The following ACOT7 variants were observed in gnomAD, a reference collection of about 807,000 sequenced individuals.
ACOT7 encodes cytosolic acyl coenzyme A thioester hydrolase.
ACOT7 carries 12 observed loss-of-function variants against 40.2 expected under a neutral mutation model. That is an observed-to-expected ratio of 0.30 (90% CI 0.19 to 0.48). ACOT7 has a LOEUF of 0.48. Among genes scored for constraint, ACOT7 ranks in the 20% least tolerant of loss-of-function variants. The pLI is 0.99. For missense variants in ACOT7, 395 were observed against 530.8 expected (o/e 0.74, Z 2.51); for synonymous variants, 228 against 219.5 (o/e 1.04, Z -0.34).
At chr1:6,319,881 G>C (rs966480210) in intron 5 of ACOT7, among the ~76,000 whole-genome samples, 1 of 152,240 alleles carries the variant, frequency 6.6e-6, no homozygotes, top group African/African-American at 2.4e-5. Flanking sequence ...GAGGGTGCGA[G>C]GGCTGGTGAA....
At chr1:6,285,724 G>A (rs781327221) in intron 7 of ACOT7, among the ~76,000 whole-genome samples, 19 of 152,214 alleles carry the variant, frequency 1.2e-4, no homozygotes, top group Admixed American at 8.5e-4. Context: ...GGCAGGGCCC[G>A]ACAAGCACTG....
At chr1:6,362,620 AC>A (rs1399341071) in intron 1 of ACOT7, among the ~76,000 whole-genome samples, 2 of 152,098 alleles carry the variant, frequency 1.3e-5, no homozygotes, top group African/African-American at 4.8e-5. Flanking sequence ...GAACTCCGCA[AC>A]GACATGCCCT....
Position 6,318,626 on chromosome 1 carries a change from A to G in ACOT7, c.626-48T>C, listed in dbSNP as rs1346713987. 2.5e-6 allele frequency: 4 copies of G among 1,588,414 alleles called. No individual in the cohort carries two copies. The East Asian group carries it at 9.0e-5, about 36-fold the overall frequency. On this transcript the variant is annotated intron_variant, in intron 5 of 8. Coordinates refer to ENST00000361521, the MANE Select transcript of ACOT7 (RefSeq NM_007274.4). ...TTAGTTATGGGGTAGGCTGATTCCC[A>G]CAGCTGAATGGTCTGGCAATGCCGA...
intron 2 of ACOT7, among the ~76,000 whole-genome samples, chr1:6,343,561 C>T (rs1250759116): frequency 6.6e-6 from 1 of 152,276 alleles, no homozygotes; most frequent in Non-Finnish European, 1.5e-5. Flanking sequence ...TAAAGCGATG[C>T]CTGGAACTGT....
At chr1:6,276,465 C>G (rs1490193451) in intron 8 of ACOT7, among the ~76,000 whole-genome samples, 2 of 151,862 alleles carry the variant, frequency 1.3e-5, no homozygotes, top group Admixed American at 1.3e-4. Context: ...GGAGCGGGTG[C>G]GGCAGCCCCC....
chr1:6,308,682 G>GACCAGGCAGAGGGAACTACA, intron 6 of ACOT7, among the ~76,000 whole-genome samples: 1 of 148,668 alleles, frequency 6.7e-6, no homozygotes, highest in Admixed American at 6.7e-5. Context: ...AGGGAACCAC[G>GACCAGGCAGAGGGAACTACA]ACCAGGCAGA....
chr1:6,292,476 G>A (rs376406605), intron 7 of ACOT7, among the ~76,000 whole-genome samples: 4 of 152,352 alleles, frequency 2.6e-5, no homozygotes, highest in East Asian at 1.9e-4. Flanking sequence ...GCAGCTCCTC[G>A]TCCGAGTTGC....
At chr1:6,332,173 A>C (rs1210740382) in intron 4 of ACOT7, among the ~76,000 whole-genome samples, 1 of 152,160 alleles carries the variant, frequency 6.6e-6, no homozygotes, top group Non-Finnish European at 1.5e-5. Flanking sequence ...ATTTCTAAAA[A>C]TGTATTCTAT....
intron 7 of ACOT7, 26 bp from the exon 8 acceptor site, chr1:6,281,312 A>T: frequency 1.3e-6 from 2 of 1,588,452 alleles, no homozygotes; most frequent in Non-Finnish European, 1.7e-6. Context: ...GGCGGGGGTC[A>T]GGGCGGCCTC....
At chr1:6,366,268 A>G (rs1642008946) in intron 1 of ACOT7, among the ~76,000 whole-genome samples, 1 of 151,964 alleles carries the variant, frequency 6.6e-6, no homozygotes, top group Non-Finnish European at 1.5e-5. Flanking sequence ...TGACCACATC[A>G]ATTGACCCTT....
At position 6,327,318 on chromosome 1, in the gene ACOT7, G is replaced by C. The variant is rs1372738468; in HGVS notation, c.606C>G (p.Val202=). The change falls in exon 5 of 9, where the codon GTC becomes GTG. Residue 202 remains valine, a synonymous_variant. Coordinates refer to ENST00000361521, the MANE Select transcript of ACOT7 (RefSeq NM_007274.4). ...METKWRNGDI[V]QPVLNPEPNT... is the part of the protein sequence containing the mutation. ...TCTTACCTGGGTTGAGGACTGGCTG[G>C]ACGATGTCCCCGTTCCTCCACTTGG... 6.2e-7 allele frequency: 1 copy of C among 1,614,180 alleles called. No homozygotes were observed. Among genetic ancestry groups the C allele is most frequent in the East Asian group, 2.2e-5 (1 of 44,880 alleles).
At chr1:6,386,087 C>A (rs955988075) in intron 1 of ACOT7, among the ~76,000 whole-genome samples, 3 of 152,160 alleles carry the variant, frequency 2.0e-5, no homozygotes, top group Admixed American at 6.5e-5. Context: ...TCCACCTGGG[C>A]GGAGTTCCAC....
chr1:6,322,046 G>C (rs1319555250), intron 5 of ACOT7, among the ~76,000 whole-genome samples: 2 of 152,234 alleles, frequency 1.3e-5, no homozygotes. Flanking sequence ...GCAGGTGGGA[G>C]AGCAGGCATC....
intron 1 of ACOT7, among the ~76,000 whole-genome samples, chr1:6,370,794 A>G (rs994318477): frequency 2.0e-5 from 3 of 146,582 alleles, no homozygotes; most frequent in African/African-American, 5.2e-5. Context: ...CGCACAGCCA[A>G]TGATTAGTAT....
Position 6,327,169 on chromosome 1 carries a change from T to C in ACOT7, c.625+130A>G, listed in dbSNP as rs1640820648. 5 of 919,708 alleles carry C rather than the reference T, an allele frequency of 5.4e-6. No homozygotes were observed. The South Asian group carries it at 8.0e-5, about 15-fold the overall frequency. The allele number at this position is 919,708 out of a possible 1,614,324, so 57.0% of individuals were successfully genotyped here. A position where few individuals can be genotyped will look rare whatever the true frequency, so the allele number is the denominator to read the frequency against. ...CCCTCCCTGGGGACCCCAGAGAAAC[T>C]GGTTCCCGGAGAGCATGCTCAGCAC... On this transcript the variant is annotated intron_variant, in intron 5 of 8. Transcript: ENST00000361521.
intron 6 of ACOT7, among the ~76,000 whole-genome samples, chr1:6,314,615 G>T (rs907528263): frequency 1.6e-4 from 25 of 151,958 alleles, no homozygotes; most frequent in African/African-American, 6.0e-4. Flanking sequence ...GGGAGAACAG[G>T]GGGTAACTGG....
chr1:6,392,933 C>T (rs898494854), intron 1 of ACOT7, among the ~76,000 whole-genome samples: 10 of 152,046 alleles, frequency 6.6e-5, no homozygotes, highest in African/African-American at 2.2e-4. Flanking sequence ...CGCCGGTCGC[C>T]GGGCTCTGGA....
intron 6 of ACOT7, among the ~76,000 whole-genome samples, chr1:6,317,755 G>A (rs1362182856): frequency 8.2e-5 from 12 of 147,204 alleles, no homozygotes; most frequent in Admixed American, 3.4e-4. Flanking sequence ...TTCTTGAGAC[G>A]GAGTCTCACT....
rs960914826 is a variant in ACOT7 at position 6,288,819 on chromosome 1, G to C, written c.829+6045C>G. ...AGTTCCTCCTAGGCACACACCCTTC[G>C]TGGCTGAAACTCAAAGTTATCTTCT... On this transcript the variant is annotated intron_variant, in intron 7 of 8. Transcript: ENST00000361521. This position sits in a 1 kb window ranked among gnomAD's most constrained non-coding sequence, Gnocchi z 4.3. Among the ~76,000 whole-genome samples the C allele has an allele frequency of 6.6e-6, 1 of 152,232 alleles. No individual in the cohort carries two copies. The highest frequency in any genetic ancestry group is 2.4e-5 in the African/African-American group (1 of 41,464).
Sources: gnomAD v4.1 joint callset for allele counts (sites outside exome capture counted in the v4.1 genomes callset) on GRCh38, gnomAD v4.1.1 for gene constraint, Gnocchi (gnomAD v3.1) non-coding constraint, MANE v1.5 for transcripts, NCBI Gene and HGNC (gene_info 2026-07-23, HGNC 2026-07-21) for gene names.